The following HEATR5A variants were observed in gnomAD, a reference collection of about 807,000 sequenced individuals.
HEATR5A encodes HEAT repeat-containing protein 5A.
HEATR5A carries 178 observed loss-of-function variants against 218.8 expected under a neutral mutation model. The observed-to-expected ratio is 0.81, with a 90% CI of 0.72 to 0.92. HEATR5A has a LOEUF of 0.92. Ranked by LOEUF, HEATR5A falls within the 40% of genes least tolerant of loss-of-function variation. The probability of loss-of-function intolerance (pLI) is 0.00; values close to 1 mark genes in which losing one functional copy is unlikely to be tolerated. For synonymous variants in HEATR5A, 864 were observed against 871.6 expected, an observed-to-expected ratio of 0.99 and a Z score of 0.15; for missense variants, 2,420 against 2,418.9, an observed-to-expected ratio of 1.00 and a Z score of -0.01.
intron 2 of HEATR5A, among the ~76,000 whole-genome samples, chr14:31,400,953 G>C (rs897910297): frequency 6.6e-6 from 1 of 151,458 alleles, no homozygotes; most frequent in Non-Finnish European, 1.5e-5. Flanking sequence ...CATTCTCCTG[G>C]CTCAGCCTCC....
intron 11 of HEATR5A, among the ~76,000 whole-genome samples, chr14:31,379,790 C>T (rs545941182): frequency 6.6e-6 from 1 of 151,962 alleles, no homozygotes; most frequent in East Asian, 1.9e-4. Context: ...CCCATCTCTA[C>T]AAAAAAAATT....
At chr14:31,316,608 G>A (rs1447240963) in intron 26 of HEATR5A, among the ~76,000 whole-genome samples, 1 of 152,218 alleles carries the variant, frequency 6.6e-6, no homozygotes, top group Non-Finnish European at 1.5e-5. Context: ...TGAAGACAGT[G>A]TAATTTTAAT....
chr14:31,414,969 T>C (rs942127951), intron 1 of HEATR5A, among the ~76,000 whole-genome samples: 1 of 152,134 alleles, frequency 6.6e-6, no homozygotes, highest in Admixed American at 6.6e-5. Context: ...GTCTCCTGAG[T>C]AGCTGGGATT....
chr14:31,329,139 C>T (rs1900375284), intron 22 of HEATR5A, among the ~76,000 whole-genome samples: 1 of 152,112 alleles, frequency 6.6e-6, no homozygotes, highest in Admixed American at 6.6e-5. Context: ...CAGGTACCTC[C>T]TTCAACAACT....
In HEATR5A at chr14:31,358,753, A is replaced by G. The variant is rs532860061; in HGVS notation, c.2295T>C (p.Tyr765=). Residue 765 remains tyrosine (Y), a synonymous_variant, in exon 16 of 36, where the codon TAT becomes TAC. Coordinates refer to ENST00000543095, the MANE Select transcript of HEATR5A (RefSeq NM_015473.4). ...CTGAATCTCCCTCTACATCTTTCTC[A>G]TAAATCGAATAAGGGTCATATTCAA... is the stretch of plus-strand genomic sequence containing the variant. ...GSLEYDPYSI[Y]EKDVEGDSVP... is the part of the protein sequence containing the mutation. 6 of 1,613,294 alleles carry G rather than the reference A, an allele frequency of 3.7e-6. 1 individual carries two copies. Among genetic ancestry groups the G allele is most frequent in the Admixed American group, 3.3e-5 (2 of 59,996 alleles).
rs2030082850 is a variant in HEATR5A at position 31,383,546 on chromosome 14, A to G, written c.1571T>C (p.Leu524Ser). 1 of 1,613,462 alleles carries G rather than the reference A, an allele frequency of 6.2e-7. No homozygotes were observed. The highest frequency in any genetic ancestry group is 8.5e-7 in the Non-Finnish European group (1 of 1,179,462). ...CTTGCCTTTTCCATGAGGAATTCCT[A>G]AAGGACAATGTTTTACTGCTCCCAA... ...ALLGAVKHCP[L>S]GIPHGKGKII... Residue 524 changes from leucine to serine, a missense_variant, in exon 10 of 36, where the codon TTA becomes TCA. By Grantham distance (145) the Leu-to-Ser change is moderately radical. Coordinates refer to ENST00000543095, the MANE Select transcript of HEATR5A (RefSeq NM_015473.4).
In HEATR5A at chr14:31,302,472, G is replaced by A; in HGVS notation, c.5287C>T (p.Leu1763Phe). The A allele has an allele frequency of 1.9e-6, 3 of 1,593,980 alleles. No individual in the cohort carries two copies. Among genetic ancestry groups the A allele is most frequent in the African/African-American group, 2.7e-5 (2 of 74,658 alleles). ...GGTAACTTCACAGCAGTCTCTCTGAGGACCCCGATTGTGAGGTACAATATA... is the reference window on the plus strand; with the variant it reads ...GGTAACTTCACAGCAGTCTCTCTGAAGACCCCGATTGTGAGGTACAATATA... ...PTILYLTIGV[L>F]RETAVKLPGG... is the part of the protein sequence containing the mutation. The change falls in exon 33 of 36, where the codon CTC becomes TTC. Residue 1763 changes from leucine (L) to phenylalanine (F), a missense_variant. Coordinates refer to ENST00000543095, the MANE Select transcript of HEATR5A (RefSeq NM_015473.4).
intron 12 of HEATR5A, among the ~76,000 whole-genome samples, chr14:31,373,443 C>G (rs1175476283): frequency 6.6e-6 from 1 of 151,656 alleles, no homozygotes; most frequent in East Asian, 1.9e-4. Context: ...ATTCTCCTGT[C>G]TTAGCCTCCC....
In HEATR5A at chr14:31,387,366, C is replaced by A; in HGVS notation, c.943G>T (p.Val315Leu). The A allele has an allele frequency of 6.2e-7, 1 of 1,609,704 alleles. No homozygotes were observed. Among genetic ancestry groups the A allele is most frequent in the Non-Finnish European group, 8.5e-7 (1 of 1,177,398 alleles). Residue 315 changes from valine to leucine, a missense_variant, in exon 8 of 36, where the codon GTA becomes TTA. Physicochemically the swap from Val to Leu is conservative, Grantham distance 32 (BLOSUM62 1). Coordinates refer to ENST00000543095, the MANE Select transcript of HEATR5A (RefSeq NM_015473.4). ...GCTCCTCCTAGTGTTGAAACAAATA[C>A]CACATAAGCCTAAAAAGGAAAAGAG... ...VRVGVTQAYV[V>L]FVSTLGGAWL...
intron 22 of HEATR5A, among the ~76,000 whole-genome samples, chr14:31,327,531 T>C (rs1022345400): frequency 3.3e-5 from 5 of 151,732 alleles, no homozygotes; most frequent in African/African-American, 1.2e-4. Context: ...CCTTAGGTGA[T>C]CCACATGCCT....
At chr14:31,308,292 G>A (rs781361495) in intron 29 of HEATR5A, among the ~76,000 whole-genome samples, 1 of 152,108 alleles carries the variant, frequency 6.6e-6, no homozygotes, top group African/African-American at 2.4e-5. Flanking sequence ...CGGATCATCT[G>A]AGGTCAGGAG....
chr14:31,313,997 G>C (rs1478710052), intron 27 of HEATR5A, among the ~76,000 whole-genome samples: 2 of 152,046 alleles, frequency 1.3e-5, no homozygotes, highest in Non-Finnish European at 2.9e-5. Context: ...ACCCAGGCTG[G>C]AGTGCAGTGG....
chr14:31,402,054 C>T (rs1595178590), intron 2 of HEATR5A, among the ~76,000 whole-genome samples: 1 of 151,752 alleles, frequency 6.6e-6, no homozygotes, highest in Non-Finnish European at 1.5e-5. Flanking sequence ...TTTTCCCTCT[C>T]TTAAAGATCA....
intron 1 of HEATR5A, among the ~76,000 whole-genome samples, chr14:31,410,076 C>G (rs1257451954): frequency 6.6e-6 from 1 of 152,128 alleles, no homozygotes; most frequent in Non-Finnish European, 1.5e-5. Flanking sequence ...TAGTGTCTTC[C>G]TTCTGGAGCA....
At chr14:31,352,227 A>G (rs375306394) in intron 16 of HEATR5A, among the ~76,000 whole-genome samples, 1 of 152,196 alleles carries the variant, frequency 6.6e-6, no homozygotes. Context: ...TACGCTGAAG[A>G]TAACTTTTTC....
intron 6 of HEATR5A, 143 bp from the exon 7 acceptor site, chr14:31,389,148 A>T (rs1193889262): frequency 1.4e-6 from 1 of 715,450 alleles, no homozygotes; most frequent in East Asian, 2.7e-5. Context: ...CAGTCTACAC[A>T]GTAACACACA....
chr14:31,310,205 T>C (rs544567488), intron 28 of HEATR5A, among the ~76,000 whole-genome samples: 6 of 152,272 alleles, frequency 3.9e-5, no homozygotes, highest in Non-Finnish European at 8.8e-5. Flanking sequence ...TATGTATCCT[T>C]TTTTTTCTTT....
At chr14:31,326,464 ATACTG>A (rs1452633735) in intron 22 of HEATR5A, 122 bp from the exon 23 acceptor site, 18 of 710,442 alleles carry the variant, frequency 2.5e-5, no homozygotes, top group South Asian at 1.3e-4. Flanking sequence ...ACTAGCCCAA[ATACTG>A]TGCTTTAATC....
chr14:31,347,747 C>T lies in HEATR5A; in HGVS notation c.2868+1G>A. ...AGGGAAGTATCACATGAGGTACCCA[C>T]CTGCACATCAGGAGAAGTGCTGTCC... On this transcript the variant is annotated splice_donor_variant, in intron 19 of 35. Transcript: ENST00000543095. LOFTEE classifies it high-confidence loss of function. The T allele has an allele frequency of 6.3e-7, 1 of 1,585,852 alleles. No individual in the cohort carries two copies. Among genetic ancestry groups the T allele is most frequent in the Non-Finnish European group, 8.6e-7 (1 of 1,168,764 alleles).
Sources: gnomAD v4.1 joint callset for allele counts (sites outside exome capture counted in the v4.1 genomes callset) on GRCh38, gnomAD v4.1.1 for gene constraint, MANE v1.5 for transcripts, NCBI Gene and HGNC (gene_info 2026-07-23, HGNC 2026-07-21) for gene names.